The following ARHGAP44 variants were observed in gnomAD, a reference collection of about 807,000 sequenced individuals.
The protein encoded by ARHGAP44 is rho GTPase-activating protein 44.
A neutral mutation model predicts 106.8 loss-of-function variants in ARHGAP44; 43 were observed. That is an observed-to-expected ratio of 0.40 (90% CI 0.32 to 0.52). The LOEUF (loss-of-function observed/expected upper bound fraction) is 0.52, where lower values mean the gene tolerates loss of function less well. Ranked by LOEUF, ARHGAP44 falls within the 20% of genes least tolerant of loss-of-function variation. ARHGAP44 has a pLI of 0.48. For synonymous variants in ARHGAP44, 439 were observed against 410.3 expected (o/e 1.07, Z -0.85); for missense variants, 866 against 1,050.5 (o/e 0.82, Z 2.43).
chr17:12,922,267 G>A (rs2038104211), intron 6 of ARHGAP44, among the ~76,000 whole-genome samples: 1 of 152,162 alleles, frequency 6.6e-6, no homozygotes, highest in Non-Finnish European at 1.5e-5. Context: ...GAGGCGTTAG[G>A]TGGTTTTAAA....
chr17:12,966,690 G>C (rs2039400234), intron 16 of ARHGAP44, among the ~76,000 whole-genome samples: 1 of 152,192 alleles, frequency 6.6e-6, no homozygotes, highest in African/African-American at 2.4e-5. Flanking sequence ...GGATATTTGG[G>C]AAGCTACCAG....
At chr17:12,824,297 A>G (rs1299573717) in intron 1 of ARHGAP44, among the ~76,000 whole-genome samples, 2 of 152,126 alleles carry the variant, frequency 1.3e-5, no homozygotes. Flanking sequence ...GAGGAGTGAT[A>G]TGATTTTGCT....
intron 7 of ARHGAP44, among the ~76,000 whole-genome samples, chr17:12,933,185 G>C (rs1290369634): frequency 1.3e-5 from 2 of 152,096 alleles, no homozygotes; most frequent in Non-Finnish European, 2.9e-5. Context: ...GGGTTTCCTC[G>C]AATGGGTTAT....
intron 13 of ARHGAP44, among the ~76,000 whole-genome samples, chr17:12,953,644 A>C (rs575639012): frequency 6.6e-6 from 1 of 152,370 alleles, no homozygotes; most frequent in Non-Finnish European, 1.5e-5. Flanking sequence ...ATAAGTGGAT[A>C]AACAAAATGT....
At chr17:12,822,410 G>T (rs1157619422) in intron 1 of ARHGAP44, among the ~76,000 whole-genome samples, 1 of 152,202 alleles carries the variant, frequency 6.6e-6, no homozygotes, top group Non-Finnish European at 1.5e-5. Context: ...GCAATGGATT[G>T]TCACTGGTTG....
At chr17:12,831,320 A>G (rs2035082688) in intron 1 of ARHGAP44, among the ~76,000 whole-genome samples, 1 of 152,122 alleles carries the variant, frequency 6.6e-6, no homozygotes, top group African/African-American at 2.4e-5. Flanking sequence ...CTGTTATTTT[A>G]CCAAAATCTC....
rs181860577 is a variant in ARHGAP44, at chr17:12,990,332, G to C, written c.*161G>C. On this transcript the variant is annotated 3_prime_UTR_variant, in exon 21 of 21. Transcript: ENST00000379672. ...GGCAGAAAATTGTGATCTCCAGTCC[G>C]TGTGGTGATGCTGGTGGTGCAGGTT... 3 of 895,290 alleles carry C rather than the reference G, an allele frequency of 3.4e-6. No homozygotes were observed. Among genetic ancestry groups the C allele is most frequent in the East Asian group, 5.4e-5 (2 of 36,862 alleles). 55.5% of individuals were successfully genotyped at this position (895,290 alleles called of 1,614,324 possible).
At chr17:12,860,856 CTT>C (rs71144929) in intron 1 of ARHGAP44, among the ~76,000 whole-genome samples, 80 of 135,824 alleles carry the variant, frequency 5.9e-4, no homozygotes, top group South Asian at 3.1e-3. Context: ...TTTTTCTATT[CTT>C]TTTTTTTTTT....
intron 19 of ARHGAP44, among the ~76,000 whole-genome samples, chr17:12,981,784 G>A (rs1310428786): frequency 6.6e-6 from 1 of 150,978 alleles, no homozygotes; most frequent in East Asian, 2.0e-4. Flanking sequence ...GCTGAGATGG[G>A]CAGATTGCCT....
At chr17:12,797,569 G>A (rs1002849421) in intron 1 of ARHGAP44, among the ~76,000 whole-genome samples, 1 of 152,202 alleles carries the variant, frequency 6.6e-6, no homozygotes, top group Non-Finnish European at 1.5e-5. Context: ...TTGGGTGGGA[G>A]TGGAGTCAGG....
intron 1 of ARHGAP44, among the ~76,000 whole-genome samples, chr17:12,823,545 A>G (rs76912085): frequency 0.038 from 5,834 of 152,196 alleles, 143 homozygotes; most frequent in East Asian, 0.06. Context: ...CACCTGTTCT[A>G]ATAGAGAAGC....
chr17:12,940,964 A>G, intron 7 of ARHGAP44, 92 bp from the exon 8 acceptor site: 1 of 1,098,838 alleles, frequency 9.1e-7, no homozygotes, highest in Non-Finnish European at 1.4e-6. Context: ...AGCAGTGTTT[A>G]AGGCTCTTTC....
At chr17:12,982,643 GATT>G (rs1372674692) in intron 19 of ARHGAP44, 1 of 152,234 alleles carries the variant, frequency 6.6e-6, no homozygotes, top group African/African-American at 2.4e-5. Flanking sequence ...ATTATGTCAT[GATT>G]ATGTGGTACT....
chr17:12,851,304 G>A (rs542436865), intron 1 of ARHGAP44, among the ~76,000 whole-genome samples: 4 of 152,240 alleles, frequency 2.6e-5, no homozygotes, highest in Non-Finnish European at 4.4e-5. Flanking sequence ...CTGTACAGCT[G>A]TAAACCAAAT....
At chr17:12,854,898 C>T (rs757317501) in intron 1 of ARHGAP44, among the ~76,000 whole-genome samples, 4 of 134,934 alleles carry the variant, frequency 3.0e-5, no homozygotes, top group African/African-American at 1.1e-4. Flanking sequence ...GCGGAGGTTG[C>T]GGTGAGCCGA....
At chr17:12,799,522 G>A (rs915690610) in intron 1 of ARHGAP44, among the ~76,000 whole-genome samples, 24 of 152,258 alleles carry the variant, frequency 1.6e-4, no homozygotes, top group Non-Finnish European at 3.1e-4. Flanking sequence ...ATTCACAAAC[G>A]TCACTTATGT....
At chr17:12,844,403 A>G (rs1404025396) in intron 1 of ARHGAP44, among the ~76,000 whole-genome samples, 1 of 152,194 alleles carries the variant, frequency 6.6e-6, no homozygotes, top group Admixed American at 6.5e-5. Flanking sequence ...TCTTGTGATA[A>G]CTAACCTGCT....
At chr17:12,796,444 TATACACACATAC>T (rs1178585073) in intron 1 of ARHGAP44, among the ~76,000 whole-genome samples, 1 of 152,172 alleles carries the variant, frequency 6.6e-6, no homozygotes, top group African/African-American at 2.4e-5. Context: ...ATGTGTATAT[TATACACACATAC>T]ATACACACTA....
intron 12 of ARHGAP44, 71 bp from the exon 13 acceptor site, chr17:12,952,430 G>C (rs971387341): frequency 1.7e-6 from 2 of 1,195,328 alleles, no homozygotes; most frequent in Non-Finnish European, 2.4e-6. Context: ...TACAATGATT[G>C]GTTAATATGA....
Sources: allele counts gnomAD v4.1 joint callset (sites outside exome capture counted in the v4.1 genomes callset), GRCh38; gene constraint gnomAD v4.1.1; transcripts MANE v1.5; gene names NCBI Gene and HGNC (gene_info 2026-07-23, HGNC 2026-07-21).